Variants in CSMD1 observed in about 807,000 individuals in gnomAD.
CSMD1 encodes the protein CUB and sushi domain-containing protein 1.
A neutral mutation model predicts 417.5 loss-of-function variants in CSMD1; 213 were observed. The ratio of observed to expected loss-of-function variants is 0.51; its 90% CI spans 0.46 to 0.57. The LOEUF (loss-of-function observed/expected upper bound fraction) is 0.57, where lower values mean the gene tolerates loss of function less well. Among genes scored for constraint, CSMD1 ranks in the 20% least tolerant of loss-of-function variants. CSMD1 has a pLI of 0.00. For missense variants in CSMD1, 6,923 were observed against 4,529.7 expected, an observed-to-expected ratio of 1.53 and a Z score of -15.17; for synonymous variants, 2,862 against 1,736.8, an observed-to-expected ratio of 1.65 and a Z score of -16.11.
rs1309069848 is a variant in CSMD1, at chr8:4,888,315, G to C, written c.85+106017C>G. On this transcript the variant is annotated intron_variant, in intron 1 of 69. Coordinates refer to ENST00000635120, the MANE Select transcript of CSMD1 (RefSeq NM_033225.6). ...CCTCTCCTCACATCAAGCCCCTGGA[G>C]GTAACCATTATCATTAGTTATTGAT... 7.9e-5 allele frequency among the ~76,000 whole-genome samples: 12 copies of C among 151,952 alleles called. No homozygotes were observed. In the East Asian group the frequency reaches 2.3e-3, roughly 29 times the overall value.
chr8:3,660,521 T>G lies in CSMD1; in HGVS notation c.1010-43724A>C. Among the ~76,000 whole-genome samples, 2 of 9,640 alleles carry G rather than the reference T, an allele frequency of 2.1e-4. 1 individual carries two copies. Among genetic ancestry groups the G allele is most frequent in the Admixed American group, 3.1e-3 (2 of 654 alleles). The allele number at this position is 9,640 out of a possible 152,430, so 6.3% of individuals were successfully genotyped here. ...TTTTTTTTTTTTTTTTTTTTTTTTT[T>G]TTTTTTTTTTTTTTTTTGAAAAAAA... On this transcript the variant is annotated intron_variant, in intron 7 of 69. Transcript: ENST00000635120.
intron 8 of CSMD1, among the ~76,000 whole-genome samples, chr8:3,611,725 T>A (rs560635244): frequency 6.6e-6 from 1 of 152,250 alleles, no homozygotes; most frequent in African/African-American, 2.4e-5. Flanking sequence ...ACAAATGTAT[T>A]TTTGTAAATA....
intron 26 of CSMD1, among the ~76,000 whole-genome samples, chr8:3,238,172 C>T (rs1000074845): frequency 2.0e-5 from 3 of 151,692 alleles, no homozygotes; most frequent in African/African-American, 7.3e-5. Context: ...GGGGGTTGTT[C>T]TCTGGTGGGC....
chr8:4,351,427 G>C (rs748703074), intron 3 of CSMD1, among the ~76,000 whole-genome samples: 1 of 152,198 alleles, frequency 6.6e-6, no homozygotes, highest in Non-Finnish European at 1.5e-5. Flanking sequence ...AGTAAGGTAA[G>C]AAGAGTTACT....
intron 50 of CSMD1, among the ~76,000 whole-genome samples, chr8:3,047,477 A>G (rs1177725109): frequency 6.6e-6 from 1 of 152,120 alleles, no homozygotes; most frequent in Non-Finnish European, 1.5e-5. Flanking sequence ...CCCCATTCAG[A>G]GCACACGCTC....
At chr8:4,435,412 C>G (rs1218392823) in intron 2 of CSMD1, among the ~76,000 whole-genome samples, 1 of 152,256 alleles carries the variant, frequency 6.6e-6, no homozygotes, top group Non-Finnish European at 1.5e-5. Context: ...AAAGAAGTCA[C>G]CATGCAGGCC....
intron 50 of CSMD1, among the ~76,000 whole-genome samples, chr8:3,042,572 C>T (rs988253737): frequency 1.3e-5 from 2 of 152,162 alleles, no homozygotes; most frequent in Admixed American, 1.3e-4. Flanking sequence ...GCTAGTTCCA[C>T]ATGGGTAACC....
At chr8:3,904,385 A>G (rs559168914) in intron 5 of CSMD1, among the ~76,000 whole-genome samples, 2 of 151,846 alleles carry the variant, frequency 1.3e-5, no homozygotes, top group Admixed American at 6.6e-5. Flanking sequence ...TGCAATGGAA[A>G]CCTCTTTATT....
chr8:3,376,306 C>G (rs1347865456), intron 18 of CSMD1, among the ~76,000 whole-genome samples: 3 of 151,840 alleles, frequency 2.0e-5, no homozygotes, highest in Non-Finnish European at 2.9e-5. Flanking sequence ...ACCAATAATA[C>G]TTTTTCAAAT....
At chr8:3,760,530 C>A (rs1469535936) in intron 5 of CSMD1, among the ~76,000 whole-genome samples, 1 of 152,198 alleles carries the variant, frequency 6.6e-6, no homozygotes, top group Admixed American at 6.5e-5. Flanking sequence ...CCTCCCTCAG[C>A]CTCACTTTTC....
At chr8:4,757,056 G>C (rs1447991795) in intron 1 of CSMD1, among the ~76,000 whole-genome samples, 2 of 152,208 alleles carry the variant, frequency 1.3e-5, no homozygotes, top group Non-Finnish European at 2.9e-5. Context: ...TTGTGTTTAA[G>C]AAACTGAAAC....
At chr8:4,392,698 A>C (rs2128924459) in intron 3 of CSMD1, among the ~76,000 whole-genome samples, 1 of 151,812 alleles carries the variant, frequency 6.6e-6, no homozygotes, top group East Asian at 2.0e-4. Flanking sequence ...GGCTGGGCAC[A>C]GTGGCTGACA....
rs183193806 is a variant in CSMD1, at chr8:3,476,664, G to A, written c.1449-7840C>T. ...AGGCTTGGTGGCTTACTCCTGTAAT[G>A]CCAGCACTTTTTTGAGGCCAAGGCG... On this transcript the variant is annotated intron_variant, in intron 11 of 69. Transcript: ENST00000635120. 6.1e-4 allele frequency among the ~76,000 whole-genome samples: 93 copies of A among 152,032 alleles called. 1 individual carries two copies. Among genetic ancestry groups the A allele is most frequent in the African/African-American group, 2.1e-3 (88 of 41,476 alleles).
At chr8:4,262,879 A>C (rs771610230) in intron 3 of CSMD1, among the ~76,000 whole-genome samples, 4 of 152,188 alleles carry the variant, frequency 2.6e-5, no homozygotes, top group Non-Finnish European at 4.4e-5. Context: ...CAGCATTTGC[A>C]ACTCAAAACT....
intron 5 of CSMD1, among the ~76,000 whole-genome samples, chr8:3,919,638 A>C (rs564529869): frequency 6.6e-6 from 1 of 152,098 alleles, no homozygotes; most frequent in South Asian, 2.1e-4. Flanking sequence ...ATTCCATACA[A>C]ATTTTATGAC....
At chr8:4,059,540 T>G (rs539696590) in intron 3 of CSMD1, among the ~76,000 whole-genome samples, 1 of 149,920 alleles carries the variant, frequency 6.7e-6, no homozygotes. Flanking sequence ...ATTGATAGAC[T>G]GCTAGCAAGA....
intron 3 of CSMD1, among the ~76,000 whole-genome samples, chr8:4,075,359 T>C (rs1799767309): frequency 6.6e-6 from 1 of 152,184 alleles, no homozygotes; most frequent in Admixed American, 6.5e-5. Context: ...GATGAAGTGC[T>C]GAATTTTTTT....
intron 3 of CSMD1, among the ~76,000 whole-genome samples, chr8:4,195,694 G>A (rs1482527517): frequency 1.3e-5 from 2 of 152,154 alleles, no homozygotes; most frequent in Admixed American, 6.5e-5. Flanking sequence ...AGAATTCCAC[G>A]CAGGGAGAAA....
At chr8:3,295,521 C>T (rs144864906) in intron 25 of CSMD1, among the ~76,000 whole-genome samples, 230 of 152,258 alleles carry the variant, frequency 1.5e-3, no homozygotes, top group African/African-American at 4.5e-3. Flanking sequence ...GTTTTATTTT[C>T]GTAGTTCCTT....
Sources: gnomAD v4.1 joint callset for allele counts (sites outside exome capture counted in the v4.1 genomes callset) on GRCh38, gnomAD v4.1.1 for gene constraint, MANE v1.5 for transcripts, NCBI Gene and HGNC (gene_info 2026-07-23, HGNC 2026-07-21) for gene names.